PTCHD1: variants seen among roughly 807,000 people sequenced by gnomAD.
PTCHD1 encodes the protein patched domain-containing protein 1.
In PTCHD1, 3 loss-of-function variants were observed where a neutral mutation model predicts 34.6. That is an observed-to-expected ratio of 0.09 (90% CI 0.04 to 0.22). PTCHD1 has a LOEUF of 0.22. Among genes scored for constraint, PTCHD1 ranks in the 10% least tolerant of loss-of-function variants. PTCHD1 has a pLI of 1.00. For missense variants in PTCHD1, 504 were observed against 685.5 expected (o/e 0.74, Z 2.96); for synonymous variants, 305 against 283.1 (o/e 1.08, Z -0.77).
intron 1 of PTCHD1, among the ~76,000 whole-genome samples, chrX:23,378,275 C>T (rs1415402515): frequency 9.0e-6 from 1 of 111,726 alleles, no homozygotes; most frequent in Non-Finnish European, 1.9e-5. Context: ...CCCGCCATTC[C>T]TCCTACCTAC....
intron 1 of PTCHD1, among the ~76,000 whole-genome samples, chrX:23,349,768 C>T (rs1367074032): frequency 7.2e-5 from 8 of 110,647 alleles, no homozygotes; most frequent in African/African-American, 2.6e-4. Flanking sequence ...CAAAAACAGG[C>T]AGAAAATAAT....
chrX:23,341,296 A>T (rs189764914), intron 1 of PTCHD1, among the ~76,000 whole-genome samples: 1 of 112,300 alleles, frequency 8.9e-6, no homozygotes, highest in Non-Finnish European at 1.9e-5. Context: ...CACCAGACCT[A>T]TAAAGCTCAC....
chrX:23,394,409 G>GACACACACACACACACACACACAC lies in PTCHD1; in HGVS notation c.*243_*266dup, dbSNP rs34539351. The GACACACACACACACACACACACAC allele has an allele frequency of 4.8e-4, 97 of 200,354 alleles. 3 individuals are homozygous for GACACACACACACACACACACACAC. The highest frequency in any genetic ancestry group is 6.9e-4 in the South Asian group (9 of 12,974). The allele number at this position is 200,354 out of a possible 1,213,427, so 16.5% of individuals were successfully genotyped here. On this transcript the variant is annotated 3_prime_UTR_variant, in exon 3 of 3. Transcript: ENST00000379361. ...TGTTATGAGAATTCACACACACATA[G>GACACACACACACACACACACACAC]ACACACACACACACACACACACACA...
At chrX:23,360,485 G>A (rs750684910) in intron 1 of PTCHD1, among the ~76,000 whole-genome samples, 26 of 111,394 alleles carry the variant, frequency 2.3e-4, no homozygotes, top group Middle Eastern at 4.6e-3. Context: ...TTGTGGGATC[G>A]GTGGTGATAT....
intron 2 of PTCHD1, among the ~76,000 whole-genome samples, chrX:23,382,647 C>T (rs1213140340): frequency 2.7e-5 from 3 of 112,849 alleles, no homozygotes; most frequent in African/African-American, 9.7e-5. Context: ...GCATTTGCAG[C>T]GAAAGAGACC....
rs756403610 is a variant in PTCHD1 at position 23,379,582 on chromosome X, C to T, written c.352-9C>T. 5 of 1,203,537 alleles carry T rather than the reference C, an allele frequency of 4.2e-6. No individual in the cohort carries two copies. The African/African-American group carries it at 8.8e-5, about 21-fold the overall frequency. On this transcript the variant is annotated splice_polypyrimidine_tract_variant and intron_variant, in intron 1 of 2. Transcript: ENST00000379361. ...GATTAATAAATGCTGTCATTTTTTT[C>T]CCCCACAGTTGCATGCTGCTGTCAC... is the stretch of plus-strand genomic sequence containing the variant.
rs1205306011 is a variant in PTCHD1 at position 23,394,396 on chromosome X, T to TCACACA, written c.*216_*221dup. 1.4e-4 allele frequency: 34 copies of TCACACA among 251,121 alleles called. No individual in the cohort carries two copies. In the African/African-American group the frequency reaches 1.5e-3, roughly 11 times the overall value. 20.7% of individuals were successfully genotyped at this position (251,121 alleles called of 1,213,427 possible). The stretch of plus-strand genomic sequence containing the variant: ...AAAACAAAGGAGTTGTTATGAGAAT[T>TCACACA]CACACACACATAGACACACACACAC... On this transcript the variant is annotated 3_prime_UTR_variant, in exon 3 of 3. Transcript: ENST00000379361.
rs181133121 is a variant in PTCHD1, at chrX:23,362,606, G to A, written c.352-16985G>A. On this transcript the variant is annotated intron_variant, in intron 1 of 2. Transcript: ENST00000379361. ...TAGCTCGGAGAAGTTTGTAATTACCGACCTTCTGAAGTCTACGTCTGTCAG... is the reference window on the plus strand; with the variant it reads ...TAGCTCGGAGAAGTTTGTAATTACCAACCTTCTGAAGTCTACGTCTGTCAG... Among the ~76,000 whole-genome samples the A allele has an allele frequency of 1.6e-3, 174 of 111,991 alleles. 1 individual carries two copies. Among genetic ancestry groups the A allele is most frequent in the Non-Finnish European group, 3.0e-3 (157 of 53,207 alleles).
intron 1 of PTCHD1, among the ~76,000 whole-genome samples, chrX:23,354,817 C>A (rs529083627): frequency 9.2e-6 from 1 of 109,108 alleles, no homozygotes; most frequent in Non-Finnish European, 1.9e-5. Context: ...GTGATCACCC[C>A]GCCTCGGCCT....
At chrX:23,374,280 CAAAAAAAAAAAAA>C (rs752214252) in intron 1 of PTCHD1, among the ~76,000 whole-genome samples, 30 of 24,544 alleles carry the variant, frequency 1.2e-3, no homozygotes, top group East Asian at 8.9e-3. Context: ...GAAACAAATA[CAAAAAAAAAAAAA>C]AAAAAAAAAA....
chrX:23,377,416 T>C (rs1922438073), intron 1 of PTCHD1, among the ~76,000 whole-genome samples: 1 of 112,121 alleles, frequency 8.9e-6, no homozygotes, highest in African/African-American at 3.2e-5. Flanking sequence ...TAACTAGGAG[T>C]TCTTTTAATC....
rs1290086646 is a variant in PTCHD1, at chrX:23,395,109, A to G, written c.*924A>G. On this transcript the variant is annotated 3_prime_UTR_variant, in exon 3 of 3. Coordinates refer to ENST00000379361, the MANE Select transcript of PTCHD1 (RefSeq NM_173495.3). ...AAAGCAGGTGTCTACTTGGACCCAGATATAGTGTCTCCATTTTAACAACAA... is the reference window on the plus strand; with the variant it reads ...AAAGCAGGTGTCTACTTGGACCCAGGTATAGTGTCTCCATTTTAACAACAA... 1 of 112,166 alleles carries G rather than the reference A, an allele frequency of 8.9e-6. No homozygotes were observed. The highest frequency in any genetic ancestry group is 3.2e-5 in the African/African-American group (1 of 30,782). 9.2% of individuals were successfully genotyped at this position (112,166 alleles called of 1,213,427 possible).
Position 23,394,439 on chromosome X carries a change from C to CACACACAA in PTCHD1, c.*261_*262insAACACACA, listed in dbSNP as rs1354025274. On this transcript the variant is annotated 3_prime_UTR_variant, in exon 3 of 3. Transcript: ENST00000379361. The stretch of plus-strand genomic sequence containing the variant: ...ACACACACACACACACACACACACA[C>CACACACAA]ACACACACACACCCTGGGAGACCTA... 4 of 318,235 alleles carry CACACACAA rather than the reference C, an allele frequency of 1.3e-5. No homozygotes were observed. Among genetic ancestry groups the CACACACAA allele is most frequent in the Non-Finnish European group, 2.2e-5 (4 of 185,743 alleles). 26.2% of individuals were successfully genotyped at this position (318,235 alleles called of 1,213,427 possible). A position where few individuals can be genotyped will look rare whatever the true frequency, so the allele number is the denominator to read the frequency against.
chrX:23,349,106 T>C (rs1336520071), intron 1 of PTCHD1, among the ~76,000 whole-genome samples: 1 of 111,452 alleles, frequency 9.0e-6, no homozygotes, highest in Non-Finnish European at 1.9e-5. Context: ...TAAATGTGTA[T>C]TGTAAGTGCT....
intron 1 of PTCHD1, among the ~76,000 whole-genome samples, chrX:23,369,874 G>A (rs1221327697): frequency 8.9e-6 from 1 of 111,877 alleles, no homozygotes; most frequent in Non-Finnish European, 1.9e-5. Context: ...ACTGATCCAT[G>A]CTTCTAACCC....
At chrX:23,384,149 C>T (rs1364808487) in intron 2 of PTCHD1, among the ~76,000 whole-genome samples, 1 of 112,355 alleles carries the variant, frequency 8.9e-6, no homozygotes, top group Admixed American at 9.4e-5. Context: ...AGGTTTGTTG[C>T]TTCATGTACA....
intron 1 of PTCHD1, among the ~76,000 whole-genome samples, chrX:23,365,568 A>G (rs1047920814): frequency 9.0e-6 from 1 of 111,701 alleles, no homozygotes; most frequent in Admixed American, 9.5e-5. Context: ...CAACTAGAGC[A>G]CAGTCACACT....
intron 2 of PTCHD1, among the ~76,000 whole-genome samples, chrX:23,380,516 C>T (rs1244178036): frequency 9.0e-6 from 1 of 111,343 alleles, no homozygotes; most frequent in East Asian, 2.8e-4. Context: ...TATTAATCTT[C>T]TCCTTGTCCC....
chrX:23,371,110 C>A (rs1479537065), intron 1 of PTCHD1, among the ~76,000 whole-genome samples: 2 of 111,857 alleles, frequency 1.8e-5, no homozygotes, highest in Non-Finnish European at 3.8e-5. Flanking sequence ...ATGGCAATTT[C>A]ATATGGTTTA....
Sources: allele counts gnomAD v4.1 joint callset (sites outside exome capture counted in the v4.1 genomes callset), GRCh38; gene constraint gnomAD v4.1.1; transcripts MANE v1.5; gene names NCBI Gene and HGNC (gene_info 2026-07-23, HGNC 2026-07-21).